The following PARD3 variants were observed in gnomAD, a reference collection of about 807,000 sequenced individuals.
PARD3 encodes partitioning defective 3 homolog.
Under a neutral mutation model 155.4 loss-of-function variants are expected in PARD3, and 75 were observed. That is an observed-to-expected ratio of 0.48 (90% CI 0.40 to 0.58). The LOEUF is 0.58. Ranked by LOEUF, PARD3 falls within the 20% of genes least tolerant of loss-of-function variation. The probability of loss-of-function intolerance (pLI) is 0.00; values close to 1 mark genes in which losing one functional copy is unlikely to be tolerated. For synonymous variants in PARD3, 576 were observed against 610.5 expected, an observed-to-expected ratio of 0.94 and a Z score of 0.83; for missense variants, 1,642 against 1,721.7, an observed-to-expected ratio of 0.95 and a Z score of 0.82.
chr10:34,468,360 T>C (rs2078138091), intron 4 of PARD3, among the ~76,000 whole-genome samples: 1 of 152,224 alleles, frequency 6.6e-6, no homozygotes, highest in African/African-American at 2.4e-5. Context: ...ACATCCAAGA[T>C]GTTGAATGAC....
At position 34,269,853 on chromosome 10, in the gene PARD3, G is replaced by A. The variant is rs746362010; in HGVS notation, c.3223C>T (p.Arg1075Cys). 34 of 1,613,632 alleles carry A rather than the reference G, an allele frequency of 2.1e-5. No individual in the cohort carries two copies. Among genetic ancestry groups the A allele is most frequent in the East Asian group, 4.5e-5 (2 of 44,840 alleles). ...REFRERQARE[R>C]DYAEIQDFHR... ...AAATCTTGAATTTCAGCATAGTCACGCTCTCGAGCTTGTCGTTCCCTAAAT... is the reference window on the plus strand; with the variant it reads ...AAATCTTGAATTTCAGCATAGTCACACTCTCGAGCTTGTCGTTCCCTAAAT... Residue 1075 changes from arginine (R) to cysteine (C), a missense_variant, in exon 22 of 25, where the codon CGT becomes TGT. Physicochemically the swap from Arg to Cys is radical, Grantham distance 180 (BLOSUM62 -3). This residue lies in a region of PARD3 where 1,529 missense variants were observed against 1,587.3 expected (regional missense o/e 0.96). Coordinates refer to ENST00000374788, the MANE Select transcript of PARD3 (RefSeq NM_001184785.2).
At position 34,246,104 on chromosome 10, in the gene PARD3, C is replaced by T. The variant is rs542520961; in HGVS notation, c.3419+23553G>A. 4.6e-5 allele frequency among the ~76,000 whole-genome samples: 7 copies of T among 152,296 alleles called. No individual in the cohort carries two copies. The South Asian group carries it at 1.2e-3, about 27-fold the overall frequency. On this transcript the variant is annotated intron_variant, in intron 22 of 24. Transcript: ENST00000374788. ...GTGGACACATTTTCCTGATGGCCTCCAGATTTGGCAATTTTGTCACCTGAA... is the reference window on the plus strand; with the variant it reads ...GTGGACACATTTTCCTGATGGCCTCTAGATTTGGCAATTTTGTCACCTGAA...
intron 1 of PARD3, among the ~76,000 whole-genome samples, chr10:34,700,180 A>G (rs995212501): frequency 7.9e-5 from 12 of 152,240 alleles, no homozygotes; most frequent in African/African-American, 2.7e-4. Flanking sequence ...GCTCCCAAGG[A>G]TAGGTCCAAA....
chr10:34,355,952 C>CAA (rs1170159840), intron 14 of PARD3, among the ~76,000 whole-genome samples: 14 of 104,308 alleles, frequency 1.3e-4, no homozygotes, highest in Non-Finnish European at 2.4e-4. Flanking sequence ...AAAAACAAAA[C>CAA]AAAACCAAAC....
intron 3 of PARD3, among the ~76,000 whole-genome samples, chr10:34,475,055 C>T (rs1261615919): frequency 6.6e-6 from 1 of 152,042 alleles, no homozygotes; most frequent in African/African-American, 2.4e-5. Context: ...TCAGTGATTC[C>T]CAAACTCTGA....
chr10:34,594,439 T>C (rs965923524), intron 2 of PARD3, among the ~76,000 whole-genome samples: 4 of 152,190 alleles, frequency 2.6e-5, no homozygotes, highest in Non-Finnish European at 5.9e-5. Context: ...GATGCACTTA[T>C]ACCAGTATAC....
chr10:34,321,286 C>T (rs975063113), intron 19 of PARD3, among the ~76,000 whole-genome samples: 3 of 152,032 alleles, frequency 2.0e-5, no homozygotes, highest in Non-Finnish European at 4.4e-5. Context: ...CAATAAATGG[C>T]TTGATCTATT....
At chr10:34,443,393 G>A (rs897843090) in intron 5 of PARD3, among the ~76,000 whole-genome samples, 4 of 152,060 alleles carry the variant, frequency 2.6e-5, no homozygotes, top group African/African-American at 4.8e-5. Context: ...GTATTAGTCC[G>A]TTCTCATGCT....
chr10:34,710,718 A>G (rs577743166), intron 1 of PARD3, among the ~76,000 whole-genome samples: 2 of 152,292 alleles, frequency 1.3e-5, no homozygotes, highest in South Asian at 4.1e-4. Flanking sequence ...GATAAACCCC[A>G]AGCACCCAAA....
chr10:34,685,081 G>A (rs930506912), intron 2 of PARD3, among the ~76,000 whole-genome samples: 12 of 152,096 alleles, frequency 7.9e-5, no homozygotes, highest in African/African-American at 1.2e-4. Context: ...GAGAGGGAGA[G>A]GGAGGCCACT....
chr10:34,314,672 A>G (rs138915053), intron 20 of PARD3, among the ~76,000 whole-genome samples: 1 of 152,326 alleles, frequency 6.6e-6, no homozygotes, highest in East Asian at 1.9e-4. Flanking sequence ...TACCAGCATG[A>G]TGTCACTAAA....
chr10:34,211,632 T>G (rs1951756552), intron 22 of PARD3, among the ~76,000 whole-genome samples: 1 of 151,942 alleles, frequency 6.6e-6, no homozygotes, highest in Non-Finnish European at 1.5e-5. Context: ...ATACAAAAAT[T>G]AGCTGAGCAT....
chr10:34,795,881 T>C (rs4315011), intron 1 of PARD3, among the ~76,000 whole-genome samples: 138,930 of 152,196 alleles, frequency 0.91, 63,563 homozygotes, highest in African/African-American at 0.98. Flanking sequence ...GCAACAAGAG[T>C]GAAACTCCAT....
At chr10:34,733,673 G>A (rs888800558) in intron 1 of PARD3, among the ~76,000 whole-genome samples, 5 of 152,194 alleles carry the variant, frequency 3.3e-5, no homozygotes, top group South Asian at 4.2e-4. Context: ...TAGTAGAGAC[G>A]GGGTTTGAGA....
intron 1 of PARD3, among the ~76,000 whole-genome samples, chr10:34,704,906 ATTT>A (rs1034870143): frequency 6.6e-6 from 1 of 152,200 alleles, no homozygotes; most frequent in Admixed American, 6.5e-5. Context: ...AAAACATTTC[ATTT>A]TTTTGTTTTG....
intron 2 of PARD3, among the ~76,000 whole-genome samples, chr10:34,541,818 T>A (rs1048197420): frequency 1.3e-5 from 2 of 152,188 alleles, no homozygotes; most frequent in Non-Finnish European, 2.9e-5. Flanking sequence ...AATCTTGGTA[T>A]GCCTCGCTGT....
chr10:34,529,588 G>T (rs192278822), intron 2 of PARD3, among the ~76,000 whole-genome samples: 2 of 152,198 alleles, frequency 1.3e-5, no homozygotes, highest in East Asian at 1.9e-4. Context: ...AAAGCCTACT[G>T]TTGACTGGAA....
chr10:34,794,575 G>T (rs1588784153), intron 1 of PARD3, among the ~76,000 whole-genome samples: 1 of 152,132 alleles, frequency 6.6e-6, no homozygotes, highest in Non-Finnish European at 1.5e-5. Context: ...GAACTTGGGG[G>T]TACTACTGCT....
chr10:34,500,168 T>G lies in PARD3; in HGVS notation c.403+16811A>C, dbSNP rs76779631. ...CACACAGGGATGATGAAGATGTGAT[T>G]CTGACTTTATAAAACCTTATGTGCT... On this transcript the variant is annotated intron_variant, in intron 3 of 24. Coordinates refer to ENST00000374788, the MANE Select transcript of PARD3 (RefSeq NM_001184785.2). Among the ~76,000 whole-genome samples the G allele has an allele frequency of 2.4e-3, 361 of 152,362 alleles. 3 individuals are homozygous for G. The highest frequency in any genetic ancestry group is 8.1e-3 in the African/African-American group (337 of 41,578).
Sources: allele counts gnomAD v4.1 joint callset (sites outside exome capture counted in the v4.1 genomes callset), GRCh38; gene constraint gnomAD v4.1.1; regional missense constraint gnomAD v4.1.1; transcripts MANE v1.5; gene names NCBI Gene and HGNC (gene_info 2026-07-23, HGNC 2026-07-21).